TPO: variants seen among roughly 807,000 people sequenced by gnomAD.
TPO encodes the protein thyroid peroxidase.
Under a neutral mutation model 96.9 loss-of-function variants are expected in TPO, and 78 were observed. The ratio of observed to expected loss-of-function variants is 0.81; its 90% CI spans 0.67 to 0.97. TPO has a LOEUF of 0.97. TPO is among the 50% of genes least tolerant of loss of function. TPO has a pLI of 0.00. For synonymous variants in TPO, 547 were observed against 538.0 expected (o/e 1.02, Z -0.23); for missense variants, 1,252 against 1,274.8 (o/e 0.98, Z 0.27).
chr2:1,464,426 G>A (rs552268271), intron 7 of TPO, among the ~76,000 whole-genome samples: 7 of 152,134 alleles, frequency 4.6e-5, no homozygotes, highest in East Asian at 1.9e-4. Context: ...GAATGGGATC[G>A]CTGGATCAAA....
intron 15 of TPO, among the ~76,000 whole-genome samples, chr2:1,532,518 G>GAGCAACCTCAATACCCCACTGTC: frequency 9.6e-6 from 1 of 103,812 alleles, no homozygotes; most frequent in African/African-American, 4.1e-5. Context: ...CCGCCACTCT[G>GAGCAACCTCAATACCCCACTGTC]AGCAACCTCC....
chr2:1,455,918 T>C (rs1366530827), intron 6 of TPO, among the ~76,000 whole-genome samples, 158 bp from the exon 7 acceptor site: 1 of 152,142 alleles, frequency 6.6e-6, no homozygotes, highest in Non-Finnish European at 1.5e-5. Flanking sequence ...CTTCAAAGCT[T>C]ATGCTCCTCC....
chr2:1,374,113 G>C (rs1232799502), upstream of TPO: 1 of 152,224 alleles, frequency 6.6e-6, no homozygotes, highest in Non-Finnish European at 1.5e-5. Flanking sequence ...TCACCTCTGT[G>C]GCCACTTCCC....
chr2:1,522,108 T>G (rs1218926616), intron 15 of TPO, among the ~76,000 whole-genome samples: 1 of 145,042 alleles, frequency 6.9e-6, no homozygotes, highest in Non-Finnish European at 1.5e-5. Flanking sequence ...GCCCTGGCAG[T>G]CTCTCTACCC....
At chr2:1,504,457 C>T (rs938328) in intron 14 of TPO, among the ~76,000 whole-genome samples, 49,593 of 152,054 alleles carry the variant, frequency 0.33, 8,336 homozygotes, top group South Asian at 0.44. Flanking sequence ...TCCAAATGCA[C>T]CCGACTGCAC....
intron 1 of TPO, among the ~76,000 whole-genome samples, chr2:1,398,678 C>T (rs1345696018): frequency 6.6e-6 from 1 of 152,218 alleles, no homozygotes; most frequent in Admixed American, 6.5e-5. Flanking sequence ...TGCAGGCAAG[C>T]CCTGGTTTCC....
Position 1,506,453 on chromosome 2 carries a change from C to G in TPO, c.2518+2374C>G, listed in dbSNP as rs552624139. On this transcript the variant is annotated intron_variant, in intron 14 of 16. Transcript: ENST00000329066. ...TTCTAGTTCTAGATCCCTGAGGAAT[C>G]GCCACACTGCCTTCCACAATGGTTG... Among the ~76,000 whole-genome samples the G allele has an allele frequency of 3.7e-3, 557 of 152,242 alleles. 4 individuals are homozygous for G. Among genetic ancestry groups the G allele is most frequent in the African/African-American group, 0.012 (494 of 41,542 alleles).
chr2:1,471,176 T>C (rs934249699), intron 7 of TPO, among the ~76,000 whole-genome samples: 3 of 152,216 alleles, frequency 2.0e-5, no homozygotes, highest in African/African-American at 7.2e-5. Flanking sequence ...GGGCTTTTTG[T>C]TTTGAATAAC....
At chr2:1,439,098 G>A (rs944440618) in intron 5 of TPO, 1 of 437,120 alleles carries the variant, frequency 2.3e-6, no homozygotes, top group African/African-American at 2.0e-5. Context: ...CAAGACCAGG[G>A]CCTCAGCCGG....
At chr2:1,404,420 C>T (rs562482660) in intron 1 of TPO, among the ~76,000 whole-genome samples, 4 of 152,226 alleles carry the variant, frequency 2.6e-5, no homozygotes, top group African/African-American at 9.6e-5. Context: ...CCCCAGGGTT[C>T]CTAAGTTAAA....
chr2:1,537,479 T>TCCCC (rs1680052829), intron 15 of TPO, among the ~76,000 whole-genome samples: 28 of 33,148 alleles, frequency 8.4e-4, no homozygotes, highest in African/African-American at 3.2e-3. Flanking sequence ...CTCAAATTCT[T>TCCCC]CCACTCTGTG....
At chr2:1,520,582 C>A (rs926494138) in intron 15 of TPO, among the ~76,000 whole-genome samples, 8 of 152,236 alleles carry the variant, frequency 5.3e-5, no homozygotes, top group Non-Finnish European at 1.0e-4. Context: ...ATTAATGTGA[C>A]AAATTGTTGA....
chr2:1,477,161 G>T lies in TPO; in HGVS notation c.895G>T (p.Gly299Trp). The part of the protein sequence containing the change: ...FYRSSAACGT[G>W]DQGALFGNLS... ...CCGCTCTTCGGCCGCCTGCGGCACC[G>T]GGGACCAAGGCGCGCTCTTTGGGAA... The change falls in exon 8 of 17, where the codon GGG becomes TGG. Residue 299 changes from glycine (G) to tryptophan (W), a missense_variant. By Grantham distance (184) the Gly-to-Trp change is radical. Transcript: ENST00000329066. 6.2e-7 allele frequency: 1 copy of T among 1,609,686 alleles called. No homozygotes were observed. The highest frequency in any genetic ancestry group is 8.5e-7 in the Non-Finnish European group (1 of 1,178,946).
chr2:1,439,568 T>C (rs1294714389), intron 5 of TPO, among the ~76,000 whole-genome samples: 1 of 152,030 alleles, frequency 6.6e-6, no homozygotes, highest in Non-Finnish European at 1.5e-5. Context: ...AAGCAGACTT[T>C]TAGCCACTTG....
chr2:1,525,326 A>G (rs1558407083), intron 15 of TPO, among the ~76,000 whole-genome samples: 1 of 51,804 alleles, frequency 1.9e-5, no homozygotes, highest in Non-Finnish European at 3.8e-5. Context: ...GTGCCTCCTC[A>G]AATCCCCTCA....
At chr2:1,397,549 A>G (rs1662101175) in intron 1 of TPO, among the ~76,000 whole-genome samples, 2 of 152,342 alleles carry the variant, frequency 1.3e-5, no homozygotes, top group South Asian at 4.1e-4. Flanking sequence ...GGCTGGAAAG[A>G]CATAGCCAGC....
intron 10 of TPO, among the ~76,000 whole-genome samples, chr2:1,492,094 C>T (rs1267640305): frequency 1.3e-5 from 2 of 152,172 alleles, no homozygotes; most frequent in African/African-American, 2.4e-5. Flanking sequence ...CAGGGAGCCA[C>T]CTGCTAAGAA....
At chr2:1,430,760 T>C (rs4314036) in intron 3 of TPO, among the ~76,000 whole-genome samples, 39,184 of 152,224 alleles carry the variant, frequency 0.26, 5,349 homozygotes, top group South Asian at 0.4. Flanking sequence ...CTTTAAGATT[T>C]AATGAATTGC....
chr2:1,462,696 C>T (rs890715834), intron 7 of TPO, among the ~76,000 whole-genome samples: 1 of 152,158 alleles, frequency 6.6e-6, no homozygotes. Flanking sequence ...TGAATACATT[C>T]GGGACACGAT....
Sources: allele counts gnomAD v4.1 joint callset (sites outside exome capture counted in the v4.1 genomes callset), GRCh38; gene constraint gnomAD v4.1.1; transcripts MANE v1.5; gene names NCBI Gene and HGNC (gene_info 2026-07-23, HGNC 2026-07-21).